The following ETF1 variants were observed in gnomAD, a reference collection of about 807,000 sequenced individuals.
ETF1 encodes eukaryotic peptide chain release factor subunit 1.
A neutral mutation model predicts 55.1 loss-of-function variants in ETF1; 4 were observed. The ratio of observed to expected loss-of-function variants is 0.07; its 90% CI spans 0.04 to 0.17. ETF1 has a LOEUF of 0.17. ETF1 is among the 10% of genes least tolerant of loss of function. The probability of loss-of-function intolerance (pLI) is 1.00; values close to 1 mark genes in which losing one functional copy is unlikely to be tolerated. For missense variants in ETF1, 142 were observed against 523.6 expected, an observed-to-expected ratio of 0.27 and a Z score of 7.11; for synonymous variants, 157 against 182.3, an observed-to-expected ratio of 0.86 and a Z score of 1.12.
intron 4 of ETF1, among the ~76,000 whole-genome samples, chr5:138,514,284 T>G (rs1025416084): frequency 6.6e-6 from 1 of 152,216 alleles, no homozygotes; most frequent in Non-Finnish European, 1.5e-5. Flanking sequence ...CTGGGTATGA[T>G]GGCTCACACA....
At chr5:138,513,858 G>T in intron 4 of ETF1, 152 bp from the exon 5 acceptor site, 1 of 1,090,448 alleles carries the variant, frequency 9.2e-7, no homozygotes, top group Non-Finnish European at 1.2e-6. Flanking sequence ...ATAGACTTCA[G>T]TTATAAACAT....
Position 138,543,179 on chromosome 5 carries a change from G to T in ETF1, c.-101C>A, listed in dbSNP as rs528777976. 24 of 565,748 alleles carry T rather than the reference G, an allele frequency of 4.2e-5. No individual in the cohort carries two copies. Among genetic ancestry groups the T allele is most frequent in the Non-Finnish European group, 6.9e-5 (22 of 320,650 alleles). 35.0% of individuals were successfully genotyped at this position (565,748 alleles called of 1,614,324 possible). On this transcript the variant is annotated 5_prime_UTR_variant, in exon 1 of 11. Transcript: ENST00000360541. ...GGCGGCGGCTCTGACGTAGGACACCGGCTCCCTCTCTCCAGGCAGCTGCAT... is the reference window on the plus strand; with the variant it reads ...GGCGGCGGCTCTGACGTAGGACACCTGCTCCCTCTCTCCAGGCAGCTGCAT...
chr5:138,529,045 C>G (rs1765589587), intron 2 of ETF1, among the ~76,000 whole-genome samples: 1 of 152,058 alleles, frequency 6.6e-6, no homozygotes, highest in African/African-American at 2.4e-5. Context: ...GGAGAATCGG[C>G]TTGAGCCTGG....
At chr5:138,536,219 T>C (rs2127128813) in intron 2 of ETF1, among the ~76,000 whole-genome samples, 1 of 152,334 alleles carries the variant, frequency 6.6e-6, no homozygotes, top group Admixed American at 6.5e-5. Flanking sequence ...ACCTTTTATT[T>C]TGACTATGAT....
intron 2 of ETF1, 58 bp from the exon 3 acceptor site, chr5:138,518,925 T>C: frequency 6.3e-7 from 1 of 1,592,448 alleles, no homozygotes; most frequent in South Asian, 1.1e-5. Context: ...AAACTCATGT[T>C]TCTCTCTGGT....
chr5:138,535,544 ACT>A (rs1260605348), intron 2 of ETF1, among the ~76,000 whole-genome samples: 2 of 151,686 alleles, frequency 1.3e-5, no homozygotes, highest in South Asian at 2.1e-4. Context: ...ACATGGCAAA[ACT>A]CTGTCTCTAC....
chr5:138,533,025 C>T (rs758067316), intron 2 of ETF1, among the ~76,000 whole-genome samples: 8 of 152,038 alleles, frequency 5.3e-5, no homozygotes, highest in South Asian at 2.1e-4. Flanking sequence ...CTGCAACCTC[C>T]GCCTCCCGGG....
intron 2 of ETF1, among the ~76,000 whole-genome samples, chr5:138,523,470 G>T (rs1765324419): frequency 6.6e-6 from 1 of 152,164 alleles, no homozygotes; most frequent in South Asian, 2.1e-4. Flanking sequence ...GGAGGTGGGG[G>T]ATGCAGTGAG....
intron 2 of ETF1, among the ~76,000 whole-genome samples, chr5:138,536,432 A>ATACT (rs1765934428): frequency 6.6e-6 from 1 of 152,234 alleles, no homozygotes. Context: ...AAACCGTATC[A>ATACT]GAGGGAGCTT....
At chr5:138,539,091 G>A (rs1421396552) in intron 2 of ETF1, among the ~76,000 whole-genome samples, 1 of 152,150 alleles carries the variant, frequency 6.6e-6, no homozygotes, top group Non-Finnish European at 1.5e-5. Flanking sequence ...GGTTATGAGG[G>A]TTATCTGACC....
At chr5:138,524,047 G>A (rs776934515) in intron 2 of ETF1, among the ~76,000 whole-genome samples, 5 of 152,182 alleles carry the variant, frequency 3.3e-5, no homozygotes, top group South Asian at 2.1e-4. Context: ...TGTGCTAGGC[G>A]TGGTGGCTCA....
In ETF1 at chr5:138,508,673, A is replaced by G. The variant is rs1271748709; in HGVS notation, c.1227T>C (p.Ile409=). 1 of 1,612,282 alleles carries G rather than the reference A, an allele frequency of 6.2e-7. No individual in the cohort carries two copies. Among genetic ancestry groups the G allele is most frequent in the African/African-American group, 1.3e-5 (1 of 74,848 alleles). ...GSQFVKGFGG[I]GGILRYRVDF... is the part of the protein sequence containing the mutation. The stretch of plus-strand genomic sequence containing the variant: ...GTTTGCTGATTTGCTACTCACCTCC[A>G]ATTCCACCAAATCCTTTCACAAACT... Residue 409 remains isoleucine, a synonymous_variant, in exon 10 of 11, where the codon ATT becomes ATC. Transcript: ENST00000360541.
intron 2 of ETF1, among the ~76,000 whole-genome samples, chr5:138,531,395 A>G (rs1172399047): frequency 6.6e-6 from 1 of 152,126 alleles, no homozygotes; most frequent in Admixed American, 6.6e-5. Context: ...TAGCAGCACA[A>G]AAACAAAAAT....
At chr5:138,513,042 T>C in intron 5 of ETF1, 88 bp from the exon 6 acceptor site, 3 of 1,416,348 alleles carry the variant, frequency 2.1e-6, no homozygotes, top group South Asian at 3.4e-5. Context: ...CATGTCATCA[T>C]CTAAGAAAAG....
Position 138,506,217 on chromosome 5 carries a change from TTA to T in ETF1, c.*2086_*2087del, listed in dbSNP as rs569792326. ...CAAAGGCTACGGTTTTCACCCCCTCTTATATGTGTTTGTATGTGTAAGTGTAA... is the reference window on the plus strand; with the variant it reads ...CAAAGGCTACGGTTTTCACCCCCTCTTATGTGTTTGTATGTGTAAGTGTAA... On this transcript the variant is annotated 3_prime_UTR_variant, in exon 11 of 11. Transcript: ENST00000360541. 2.6e-5 allele frequency: 4 copies of T among 152,814 alleles called. No individual in the cohort carries two copies. Among genetic ancestry groups the T allele is most frequent in the Non-Finnish European group, 2.9e-5 (2 of 68,052 alleles). The allele number at this position is 152,814 out of a possible 1,614,324, so 9.5% of individuals were successfully genotyped here.
At chr5:138,530,165 C>T (rs541966328) in intron 2 of ETF1, among the ~76,000 whole-genome samples, 131 of 152,042 alleles carry the variant, frequency 8.6e-4, no homozygotes, top group South Asian at 1.0e-3. Flanking sequence ...TAAAAGAATA[C>T]ATGCTCAGAC....
intron 2 of ETF1, among the ~76,000 whole-genome samples, chr5:138,521,008 G>A (rs1349817503): frequency 6.6e-6 from 1 of 151,982 alleles, no homozygotes; most frequent in Non-Finnish European, 1.5e-5. Context: ...ACATACCCAA[G>A]AGTGAGAGCG....
intron 3 of ETF1, 41 bp downstream of exon 3, chr5:138,518,651 C>A: frequency 1.3e-6 from 2 of 1,574,860 alleles, no homozygotes; most frequent in South Asian, 2.3e-5. Flanking sequence ...AAAACATAAC[C>A]AAAATGTGTA....
chr5:138,540,764 C>T, intron 2 of ETF1, among the ~76,000 whole-genome samples: 1 of 152,146 alleles, frequency 6.6e-6, no homozygotes, highest in African/African-American at 2.4e-5. Flanking sequence ...CTTATAACTT[C>T]ATTTTTAGCA....
Sources: gnomAD v4.1 joint callset for allele counts (sites outside exome capture counted in the v4.1 genomes callset) on GRCh38, gnomAD v4.1.1 for gene constraint, MANE v1.5 for transcripts, NCBI Gene and HGNC (gene_info 2026-07-23, HGNC 2026-07-21) for gene names.